Variants in SAMMSON observed in about 807,000 individuals in gnomAD.
The protein encoded by SAMMSON is long intergenic non-protein coding RNA 1212.
At chr3:70,230,408 T>A (rs1456738707) in intron 4 of SAMMSON, among the ~76,000 whole-genome samples, 1 of 152,172 alleles carries the variant, frequency 6.6e-6, no homozygotes, top group Non-Finnish European at 1.5e-5. Flanking sequence ...AGGGCTGGTG[T>A]CAAACGCTTA....
intron 7 of SAMMSON, chr3:70,311,993 G>T (rs1348559541): frequency 5.0e-6 from 2 of 397,398 alleles, no homozygotes; most frequent in East Asian, 7.2e-5. Context: ...AACAGAATTT[G>T]TGATATAAAA....
intron 4 of SAMMSON, among the ~76,000 whole-genome samples, chr3:70,201,363 C>T (rs1701236138): frequency 6.6e-6 from 1 of 152,164 alleles, no homozygotes; most frequent in Admixed American, 6.5e-5. Context: ...CAAGTTCCTG[C>T]AAAGGACATG....
intron 3 of SAMMSON, among the ~76,000 whole-genome samples, chr3:70,056,107 T>C (rs1368886346): frequency 1.3e-5 from 2 of 152,052 alleles, no homozygotes; most frequent in Non-Finnish European, 2.9e-5. Context: ...TTGACACCTT[T>C]CTTTCTTTCC....
intron 7 of SAMMSON, among the ~76,000 whole-genome samples, chr3:70,322,632 C>T (rs969149750): frequency 2.0e-5 from 3 of 152,144 alleles, no homozygotes; most frequent in African/African-American, 4.8e-5. Context: ...ATAGATTGAA[C>T]TTCAAATATA....
At chr3:70,313,535 A>T (rs1181109934) in intron 7 of SAMMSON, among the ~76,000 whole-genome samples, 1 of 152,086 alleles carries the variant, frequency 6.6e-6, no homozygotes, top group East Asian at 1.9e-4. Context: ...ATGGAAGATT[A>T]AAAACAGAAA....
Position 70,408,379 on chromosome 3 carries a change from A to T in SAMMSON, n.233+50055A>T, listed in dbSNP as rs147603855. ...CAGGCTGCACATTTTCTGAACTTTT[A>T]TGCTCTGCTTTCCTTATAAAACCGA... On this transcript the variant is annotated intron_variant and non_coding_transcript_variant, in intron 2 of 3. Transcript: ENST00000641053. Among the ~76,000 whole-genome samples the T allele has an allele frequency of 3.2e-3, 480 of 152,252 alleles. 3 individuals carry two copies. The highest frequency in any genetic ancestry group is 0.011 in the African/African-American group (456 of 41,554).
intron 4 of SAMMSON, among the ~76,000 whole-genome samples, chr3:70,097,422 A>T (rs555305547): frequency 6.6e-6 from 1 of 152,354 alleles, no homozygotes; most frequent in Non-Finnish European, 1.5e-5. Flanking sequence ...ACCTGCTATT[A>T]GGAAAACTAC....
At position 70,053,039 on chromosome 3, in the gene SAMMSON, C is replaced by G. The variant is rs371255613; in HGVS notation, n.418-18437C>G. Among the ~76,000 whole-genome samples, 23 of 152,214 alleles carry G rather than the reference C, an allele frequency of 1.5e-4. No individual in the cohort carries two copies. The East Asian group carries it at 3.9e-3, about 26-fold the overall frequency. ...ATAAGCCTATCAGTGCTCTGAAAAG[C>G]AGAGCATACAGTGCTGTCACTCATG... On this transcript the variant is annotated intron_variant and non_coding_transcript_variant, in intron 3 of 9. Transcript: ENST00000642114.
intron 4 of SAMMSON, chr3:70,126,290 T>C: frequency 2.7e-6 from 3 of 1,122,034 alleles, no homozygotes; most frequent in Non-Finnish European, 3.9e-6. Flanking sequence ...GAGTGGGACA[T>C]GGGGAGTGAA....
chr3:70,262,072 G>C (rs1029208984), intron 6 of SAMMSON, among the ~76,000 whole-genome samples: 2 of 152,128 alleles, frequency 1.3e-5, no homozygotes, highest in Non-Finnish European at 2.9e-5. Context: ...TCAATCTCAC[G>C]ATAAAGCCTT....
At chr3:70,168,830 G>C (rs1282095937) in intron 4 of SAMMSON, among the ~76,000 whole-genome samples, 1 of 151,870 alleles carries the variant, frequency 6.6e-6, no homozygotes, top group Non-Finnish European at 1.5e-5. Context: ...GGGGTTATTG[G>C]TTACTTTTTG....
chr3:70,126,254 C>A, intron 4 of SAMMSON: 3 of 1,005,652 alleles, frequency 3.0e-6, no homozygotes, highest in Non-Finnish European at 4.4e-6. Context: ...GGTCATCAGA[C>A]CTTTTTTTTT....
intron 4 of SAMMSON, among the ~76,000 whole-genome samples, chr3:70,105,072 C>T (rs1368006135): frequency 6.6e-6 from 1 of 152,080 alleles, no homozygotes; most frequent in Non-Finnish European, 1.5e-5. Context: ...TATATAGAAC[C>T]TTACTCAGGG....
intron 4 of SAMMSON, among the ~76,000 whole-genome samples, chr3:70,232,782 A>G (rs147576688): frequency 6.6e-6 from 1 of 152,112 alleles, no homozygotes; most frequent in African/African-American, 2.4e-5. Context: ...ACAGGGACTG[A>G]CTTCTTACTG....
At chr3:70,271,452 A>C (rs1575611742) in intron 6 of SAMMSON, among the ~76,000 whole-genome samples, 1 of 152,192 alleles carries the variant, frequency 6.6e-6, no homozygotes, top group Non-Finnish European at 1.5e-5. Flanking sequence ...TTTTCAGAGA[A>C]GCCAGAAGTC....
chr3:70,145,625 G>C (rs899383690), intron 4 of SAMMSON, among the ~76,000 whole-genome samples: 2 of 151,358 alleles, frequency 1.3e-5, no homozygotes, highest in Non-Finnish European at 2.9e-5. Flanking sequence ...AAATCTCAGG[G>C]AATTTGGAAT....
intron 6 of SAMMSON, among the ~76,000 whole-genome samples, chr3:70,272,812 C>T (rs558988404): frequency 6.6e-6 from 1 of 152,078 alleles, no homozygotes; most frequent in East Asian, 1.9e-4. Context: ...GCTTGTTTCA[C>T]GAAGTTAGAA....
At chr3:70,305,627 C>T (rs1049699895) in intron 7 of SAMMSON, among the ~76,000 whole-genome samples, 1 of 152,150 alleles carries the variant, frequency 6.6e-6, no homozygotes, top group Non-Finnish European at 1.5e-5. Flanking sequence ...TCTCTGCGTT[C>T]AAGAGGAGCC....
chr3:70,337,630 T>C (rs1424281809), intron 7 of SAMMSON, among the ~76,000 whole-genome samples: 1 of 152,030 alleles, frequency 6.6e-6, no homozygotes, highest in African/African-American at 2.4e-5. Flanking sequence ...CTAAAACTGA[T>C]AGTTGAAGTT....
Sources: gnomAD v4.1 joint callset for allele counts (sites outside exome capture counted in the v4.1 genomes callset) on GRCh38, gnomAD v4.1.1 for gene constraint, MANE v1.5 for transcripts, NCBI Gene and HGNC (gene_info 2026-07-23, HGNC 2026-07-21) for gene names.